DLC1: variants seen among roughly 807,000 people sequenced by gnomAD.
The protein encoded by DLC1 is rho GTPase-activating protein 7.
Under a neutral mutation model 140.3 loss-of-function variants are expected in DLC1, and 54 were observed. The observed-to-expected ratio is 0.38, with a 90% CI of 0.31 to 0.48. The LOEUF (loss-of-function observed/expected upper bound fraction) is 0.48. Among genes scored for constraint, DLC1 ranks in the 20% least tolerant of loss-of-function variants. The pLI is 0.96. For synonymous variants in DLC1, 986 were observed against 728.1 expected (o/e 1.35, Z -5.70); for missense variants, 2,536 against 1,907.0 (o/e 1.33, Z -6.14).
intron 4 of DLC1, among the ~76,000 whole-genome samples, chr8:13,391,781 C>A (rs1836773429): frequency 6.6e-6 from 1 of 151,806 alleles, no homozygotes; most frequent in African/African-American, 2.4e-5. Context: ...AAGTGGATAC[C>A]ACCAGTAATT....
At chr8:13,431,780 G>A (rs369702585) in intron 2 of DLC1, among the ~76,000 whole-genome samples, 2 of 152,136 alleles carry the variant, frequency 1.3e-5, no homozygotes, top group South Asian at 2.1e-4. Context: ...GAACGTGGGT[G>A]GGGAAGTGGG....
chr8:13,219,080 AATTATATG>A, intron 5 of DLC1, among the ~76,000 whole-genome samples: 3 of 113,324 alleles, frequency 2.6e-5, no homozygotes, highest in East Asian at 2.4e-4. Flanking sequence ...ATAATTATAT[AATTATATG>A]TGAATGTAAT....
intron 1 of DLC1, among the ~76,000 whole-genome samples, chr8:13,522,468 T>C (rs1422378373): frequency 1.3e-5 from 2 of 151,862 alleles, no homozygotes; most frequent in African/African-American, 2.4e-5. Flanking sequence ...CTATTAAAAA[T>C]GCAAAAATTA....
chr8:13,143,910 C>CG (rs1384437494), intron 5 of DLC1, among the ~76,000 whole-genome samples: 1 of 151,674 alleles, frequency 6.6e-6, no homozygotes, highest in East Asian at 1.9e-4. Flanking sequence ...GAGTTTTCCC[C>CG]GGGCAGGCAC....
chr8:13,331,450 C>G (rs985217991), intron 4 of DLC1, among the ~76,000 whole-genome samples: 1 of 152,104 alleles, frequency 6.6e-6, no homozygotes. Flanking sequence ...GAGTAAAGAA[C>G]TTCCAAGTTG....
intron 5 of DLC1, among the ~76,000 whole-genome samples, chr8:13,205,861 G>C (rs1476027858): frequency 6.6e-6 from 1 of 152,184 alleles, no homozygotes; most frequent in African/African-American, 2.4e-5. Context: ...TGAAGAGCAA[G>C]AGACCATTGA....
chr8:13,503,144 C>G (rs1226166116), intron 1 of DLC1, among the ~76,000 whole-genome samples: 1 of 152,188 alleles, frequency 6.6e-6, no homozygotes, highest in Admixed American at 6.5e-5. Context: ...ATGGCTCACG[C>G]CTGTAATCCC....
At chr8:13,448,686 C>T (rs1204146263) in intron 2 of DLC1, among the ~76,000 whole-genome samples, 1 of 152,108 alleles carries the variant, frequency 6.6e-6, no homozygotes, top group Non-Finnish European at 1.5e-5. Flanking sequence ...AGAATAGTGT[C>T]TACATTATCC....
intron 1 of DLC1, among the ~76,000 whole-genome samples, chr8:13,545,639 A>G (rs1003233239): frequency 8.5e-5 from 13 of 152,138 alleles, no homozygotes; most frequent in Non-Finnish European, 1.8e-4. Flanking sequence ...TAAAGAGAAC[A>G]TTTAGCCAGA....
intron 5 of DLC1, among the ~76,000 whole-genome samples, chr8:13,154,201 G>T (rs537455954): frequency 6.6e-6 from 1 of 152,234 alleles, no homozygotes; most frequent in Non-Finnish European, 1.5e-5. Context: ...TGCCAGGGCC[G>T]CACCAGGTGC....
At chr8:13,191,638 T>G (rs1040536409) in intron 5 of DLC1, among the ~76,000 whole-genome samples, 2 of 152,188 alleles carry the variant, frequency 1.3e-5, no homozygotes, top group African/African-American at 4.8e-5. Flanking sequence ...GCCCAGATGA[T>G]GAATCACAAT....
chr8:13,298,185 T>A (rs1832040343), intron 5 of DLC1, among the ~76,000 whole-genome samples: 1 of 152,186 alleles, frequency 6.6e-6, no homozygotes, highest in Non-Finnish European at 1.5e-5. Context: ...ATTTTTAACA[T>A]TTTATGGCCA....
intron 5 of DLC1, among the ~76,000 whole-genome samples, chr8:13,269,359 C>G (rs1013090069): frequency 2.0e-5 from 3 of 152,120 alleles, no homozygotes; most frequent in African/African-American, 7.2e-5. Context: ...GGGAAGAGCA[C>G]AGAGGGATCA....
intron 4 of DLC1, among the ~76,000 whole-genome samples, chr8:13,383,194 G>A (rs543195464): frequency 4.6e-5 from 7 of 152,272 alleles, no homozygotes; most frequent in Admixed American, 6.5e-5. Flanking sequence ...CCCAGGAAGC[G>A]GTATGAATGA....
chr8:13,382,363 C>T (rs995542600), intron 4 of DLC1, among the ~76,000 whole-genome samples: 6 of 150,788 alleles, frequency 4.0e-5, no homozygotes, highest in Admixed American at 1.3e-4. Context: ...AAAAATTAGC[C>T]GGGCGAGGTG....
At chr8:13,111,270 A>T (rs980374926) in intron 6 of DLC1, among the ~76,000 whole-genome samples, 2 of 152,184 alleles carry the variant, frequency 1.3e-5, no homozygotes, top group African/African-American at 2.4e-5. Flanking sequence ...AGATCTAGAG[A>T]ACAATGAAAA....
intron 5 of DLC1, among the ~76,000 whole-genome samples, chr8:13,139,004 G>A (rs928903387): frequency 1.3e-5 from 2 of 152,084 alleles, no homozygotes; most frequent in Non-Finnish European, 2.9e-5. Flanking sequence ...AGAGAGAGAA[G>A]CTGGGCACAG....
At chr8:13,582,327 C>T (rs1563456262) in intron 1 of DLC1, among the ~76,000 whole-genome samples, 1 of 152,156 alleles carries the variant, frequency 6.6e-6, no homozygotes, top group African/African-American at 2.4e-5. Context: ...TACTAAATGT[C>T]AACTTGATTG....
intron 1 of DLC1, among the ~76,000 whole-genome samples, chr8:13,581,378 C>A (rs1409118698): frequency 4.6e-5 from 7 of 152,188 alleles, no homozygotes; most frequent in Admixed American, 6.5e-5. Context: ...GCTGTTCCCC[C>A]AGTCCTGTCT....
Sources: allele counts gnomAD v4.1 joint callset (sites outside exome capture counted in the v4.1 genomes callset), GRCh38; gene constraint gnomAD v4.1.1; transcripts MANE v1.5; gene names NCBI Gene and HGNC (gene_info 2026-07-23, HGNC 2026-07-21).